PLCB4: variants seen among roughly 807,000 people sequenced by gnomAD.
PLCB4 encodes phospholipase C beta 4.
In PLCB4, 77 loss-of-function variants were observed where a neutral mutation model predicts 178.8. The observed-to-expected ratio is 0.43, with a 90% CI of 0.36 to 0.52. PLCB4 has a LOEUF of 0.52. Ranked by LOEUF, PLCB4 falls within the 20% of genes least tolerant of loss-of-function variation. The pLI is 0.00. For synonymous variants in PLCB4, 496 were observed against 490.8 expected (o/e 1.01, Z -0.14); for missense variants, 1,024 against 1,453.4 (o/e 0.70, Z 4.80).
intron 1 of PLCB4, among the ~76,000 whole-genome samples, chr20:9,070,096 G>A (rs1202066018): frequency 2.0e-5 from 3 of 151,976 alleles, no homozygotes; most frequent in Non-Finnish European, 4.4e-5. Flanking sequence ...GGAGATAGCT[G>A]TTTAATAATT....
At chr20:9,159,626 T>C (rs919347628) in intron 2 of PLCB4, among the ~76,000 whole-genome samples, 2 of 152,150 alleles carry the variant, frequency 1.3e-5, no homozygotes, top group Non-Finnish European at 2.9e-5. Context: ...TCTGATTATG[T>C]TTTTCTGATG....
chr20:9,263,135 C>T (rs6056505), intron 3 of PLCB4, among the ~76,000 whole-genome samples: 33,905 of 152,056 alleles, frequency 0.22, 6,670 homozygotes, highest in African/African-American at 0.5. Context: ...AGAAGCTGAT[C>T]GGCTCATGTG....
intron 2 of PLCB4, among the ~76,000 whole-genome samples, chr20:9,140,583 G>A (rs1366383855): frequency 6.6e-6 from 1 of 151,878 alleles, no homozygotes; most frequent in African/African-American, 2.4e-5. Context: ...GGAGCAGATC[G>A]CTCATGACTG....
chr20:9,193,113 G>A (rs1010432332), intron 2 of PLCB4, among the ~76,000 whole-genome samples: 1 of 152,242 alleles, frequency 6.6e-6, no homozygotes, highest in African/African-American at 2.4e-5. Context: ...CACCTACCAT[G>A]TGCTGGGCAC....
At chr20:9,400,809 G>A (rs565589776) in intron 19 of PLCB4, among the ~76,000 whole-genome samples, 1 of 152,142 alleles carries the variant, frequency 6.6e-6, no homozygotes, top group South Asian at 2.1e-4. Flanking sequence ...CACTTTCCTG[G>A]ACCAATGAAC....
Position 9,338,990 on chromosome 20 carries a change from A to G in PLCB4, c.322A>G (p.Asn108Asp), listed in dbSNP as rs1421412295. Residue 108 changes from asparagine to aspartate, a missense_variant, in exon 7 of 40, where the codon AAC (asparagine) becomes GAC (aspartate). This residue lies in a region of PLCB4 where 225 missense variants were observed against 291.0 expected (regional missense o/e 0.77). Coordinates refer to ENST00000378473, the MANE Select transcript of PLCB4 (RefSeq NM_001377142.1). ...TGTCTGCAGTGGCACAGATCTAGTG[A>G]ACATTAGTTTTACCTACATGGTGGC... ...VCVCSGTDLV[N>D]ISFTYMVAEN... is the part of the protein sequence containing the mutation. 6.2e-7 allele frequency: 1 copy of G among 1,613,400 alleles called. No homozygotes were observed. The highest frequency in any genetic ancestry group is 1.7e-5 in the Admixed American group (1 of 59,954).
chr20:9,316,793 T>C (rs967997475), intron 4 of PLCB4, among the ~76,000 whole-genome samples: 3 of 152,130 alleles, frequency 2.0e-5, no homozygotes, highest in African/African-American at 7.2e-5. Flanking sequence ...TCAGCCAGAT[T>C]TTTGCAAAGA....
chr20:9,391,292 A>G (rs1222993197), intron 17 of PLCB4, among the ~76,000 whole-genome samples: 1 of 152,158 alleles, frequency 6.6e-6, no homozygotes, highest in Non-Finnish European at 1.5e-5. Flanking sequence ...GTATATACTC[A>G]TTCTAGAGAG....
At chr20:9,365,585 C>T in intron 9 of PLCB4, 71 bp downstream of exon 9, 2 of 839,072 alleles carry the variant, frequency 2.4e-6, no homozygotes, top group East Asian at 2.5e-5. Context: ...AAGAGAGAAC[C>T]CTTCACAAGT....
At chr20:9,464,747 C>T (rs2043648896) in intron 35 of PLCB4, among the ~76,000 whole-genome samples, 1 of 152,114 alleles carries the variant, frequency 6.6e-6, no homozygotes. Flanking sequence ...AGTTGAATCT[C>T]TGAATAGACC....
intron 21 of PLCB4, among the ~76,000 whole-genome samples, chr20:9,406,588 A>T (rs992699640): frequency 2.6e-5 from 4 of 151,042 alleles, no homozygotes; most frequent in African/African-American, 9.7e-5. Context: ...CCCCGGGTTC[A>T]CTTCATTCGC....
At chr20:9,316,500 T>C (rs1158712515) in intron 4 of PLCB4, among the ~76,000 whole-genome samples, 1 of 152,208 alleles carries the variant, frequency 6.6e-6, no homozygotes, top group East Asian at 1.9e-4. Flanking sequence ...AGACCAGGAC[T>C]TTAAGGAAGG....
At chr20:9,410,337 A>T (rs1250357032) in intron 24 of PLCB4, among the ~76,000 whole-genome samples, 1 of 152,234 alleles carries the variant, frequency 6.6e-6, no homozygotes, top group Non-Finnish European at 1.5e-5. Context: ...CACTTACTTA[A>T]AAAAGCCCAA....
At chr20:9,155,604 A>G (rs2092773827) in intron 2 of PLCB4, among the ~76,000 whole-genome samples, 1 of 152,082 alleles carries the variant, frequency 6.6e-6, no homozygotes, top group Admixed American at 6.6e-5. Context: ...ATTTCTGTTC[A>G]TTGAACACGA....
chr20:9,359,263 T>C (rs1433582412), intron 7 of PLCB4, among the ~76,000 whole-genome samples: 1 of 152,114 alleles, frequency 6.6e-6, no homozygotes, highest in Non-Finnish European at 1.5e-5. Context: ...TCTAAACATA[T>C]GCCTGGAAGT....
At chr20:9,104,701 T>C (rs2091299629) in intron 2 of PLCB4, among the ~76,000 whole-genome samples, 1 of 152,132 alleles carries the variant, frequency 6.6e-6, no homozygotes, top group Non-Finnish European at 1.5e-5. Context: ...GGATTTTTCT[T>C]CTTTTGCCTT....
intron 1 of PLCB4, among the ~76,000 whole-genome samples, chr20:9,078,809 T>C (rs1174192908): frequency 1.3e-5 from 2 of 152,256 alleles, no homozygotes; most frequent in African/African-American, 4.8e-5. Context: ...TTGTGAATTT[T>C]ACCACATTCC....
intron 2 of PLCB4, among the ~76,000 whole-genome samples, chr20:9,204,081 T>A (rs1231637215): frequency 2.0e-5 from 3 of 152,124 alleles, no homozygotes; most frequent in African/African-American, 4.8e-5. Context: ...GGCTTTCTTA[T>A]TTTAATAATT....
intron 30 of PLCB4, among the ~76,000 whole-genome samples, chr20:9,439,032 T>C (rs2041951003): frequency 1.3e-5 from 2 of 152,226 alleles, no homozygotes; most frequent in Non-Finnish European, 2.9e-5. Context: ...AGAAGAATGA[T>C]GAGTGAATAG....
Sources: gnomAD v4.1 joint callset for allele counts (sites outside exome capture counted in the v4.1 genomes callset) on GRCh38, gnomAD v4.1.1 for gene constraint, gnomAD v4.1.1 regional missense constraint, MANE v1.5 for transcripts, NCBI Gene and HGNC (gene_info 2026-07-23, HGNC 2026-07-21) for gene names.